LMO3: variants seen among roughly 807,000 people sequenced by gnomAD.
LMO3 encodes the protein LIM domain only 3.
LMO3 carries 2 observed loss-of-function variants against 15.8 expected under a neutral mutation model. That is an observed-to-expected ratio of 0.13 (90% confidence interval 0.05 to 0.40). The LOEUF (loss-of-function observed/expected upper bound fraction) is 0.40, where lower values mean the gene tolerates loss of function less well. LMO3 is among the 10% of genes least tolerant of loss of function. The pLI is 0.99. For synonymous variants in LMO3, 62 were observed against 63.8 expected (o/e 0.97, Z 0.13); for missense variants, 86 against 182.2 (o/e 0.47, Z 3.04).
Position 16,580,081 on chromosome 12 carries a change from A to G in LMO3, c.207-19543T>C, listed in dbSNP as rs141657425. The stretch of plus-strand genomic sequence containing the variant: ...GATATTATGTATTTCCTGATATTAT[A>G]CAATATGATATCATTTATCATGTAT... On this transcript the variant is annotated intron_variant, in intron 2 of 3. Transcript: ENST00000537304. Among the ~76,000 whole-genome samples, 748 of 152,334 alleles carry G rather than the reference A, an allele frequency of 4.9e-3. 4 individuals are homozygous for G. Among genetic ancestry groups the G allele is most frequent in the Middle Eastern group, 0.017 (5 of 294 alleles).
chr12:16,581,804 G>A (rs770711364), intron 2 of LMO3, among the ~76,000 whole-genome samples: 2 of 151,648 alleles, frequency 1.3e-5, no homozygotes, highest in African/African-American at 2.4e-5. Flanking sequence ...TTTAATAATT[G>A]TATTACTACT....
rs1224128106 is a variant in LMO3 at position 16,550,901 on chromosome 12, A to C, written c.*321T>G. 9.3e-6 allele frequency: 2 copies of C among 216,216 alleles called. No homozygotes were observed. The highest frequency in any genetic ancestry group is 4.5e-5 in the African/African-American group (2 of 44,186). The allele number at this position is 216,216 out of a possible 1,614,324, so 13.4% of individuals were successfully genotyped here. A position where few individuals can be genotyped will look rare whatever the true frequency, so the allele number is the denominator to read the frequency against. The stretch of plus-strand genomic sequence containing the variant: ...TGGTAACACAATAAAACTGTATTAC[A>C]TTTGTGCTTCAAATATTACAATACA... On this transcript the variant is annotated 3_prime_UTR_variant, in exon 4 of 4. Coordinates refer to ENST00000537304, the MANE Select transcript of LMO3 (RefSeq NM_018640.5).
intron 2 of LMO3, among the ~76,000 whole-genome samples, chr12:16,569,514 G>A (rs887667675): frequency 2.0e-5 from 3 of 152,074 alleles, no homozygotes; most frequent in African/African-American, 7.2e-5. Flanking sequence ...AAAGCCTTAC[G>A]AGCAGGTGTT....
chr12:16,609,086 A>T (rs1425400181), upstream of LMO3: 2 of 152,182 alleles, frequency 1.3e-5, no homozygotes, highest in Non-Finnish European at 2.9e-5. Flanking sequence ...CATATGAATT[A>T]TTCACAGAAA....
chr12:16,564,567 A>T (rs937825254), intron 2 of LMO3, among the ~76,000 whole-genome samples: 1 of 152,186 alleles, frequency 6.6e-6, no homozygotes, highest in Non-Finnish European at 1.5e-5. Flanking sequence ...AGTGTCTTTT[A>T]TTTCACAGCA....
In LMO3 at chr12:16,586,779, C is replaced by T. The variant is rs1265180489; in HGVS notation, c.206+13876G>A. ...CTCCTGTGGCTCAGATTATTTATTG[C>T]ATTACTTTTGTAACCTTTCTCCCAA... On this transcript the variant is annotated intron_variant, in intron 2 of 3. Coordinates refer to ENST00000537304, the MANE Select transcript of LMO3 (RefSeq NM_018640.5). This position sits in a 1 kb window ranked among gnomAD's most constrained non-coding sequence, Gnocchi z 4.3. Among the ~76,000 whole-genome samples the T allele has an allele frequency of 6.6e-6, 1 of 152,172 alleles. No individual in the cohort carries two copies. Among genetic ancestry groups the T allele is most frequent in the African/African-American group, 2.4e-5 (1 of 41,452 alleles).
At position 16,560,903 on chromosome 12, in the gene LMO3, T is replaced by C. The variant is rs1469938541; in HGVS notation, c.207-365A>G. The C allele has an allele frequency of 2.1e-5, 4 of 189,734 alleles. No individual in the cohort carries two copies. Among genetic ancestry groups the C allele is most frequent in the Non-Finnish European group, 3.4e-5 (3 of 88,980 alleles). 11.8% of individuals were successfully genotyped at this position (189,734 alleles called of 1,614,324 possible). A position where few individuals can be genotyped will look rare whatever the true frequency, so the allele number is the denominator to read the frequency against. On this transcript the variant is annotated intron_variant, in intron 2 of 3. Transcript: ENST00000537304. The surrounding 1 kb of genome is among the most constrained non-coding windows in gnomAD (Gnocchi z 5.0). ...TGCTCTTAATGTTATATATTAAACA[T>C]TTTAGTTGGGAAAGGAACCAACTAA... is the stretch of plus-strand genomic sequence containing the variant.
intron 2 of LMO3, among the ~76,000 whole-genome samples, chr12:16,566,012 ATATATAT>A (rs1942590463): frequency 2.5e-5 from 2 of 78,520 alleles, no homozygotes; most frequent in Non-Finnish European, 5.3e-5. Context: ...ATATATATAT[ATATATAT>A]ATATATATAT....
At position 16,560,371 on chromosome 12, in the gene LMO3, G is replaced by A. The variant is rs201376237; in HGVS notation, c.332+42C>T. 3,226 of 1,591,566 alleles carry A rather than the reference G, an allele frequency of 2.0e-3. 5 individuals are homozygous for A. Among genetic ancestry groups the A allele is most frequent in the Non-Finnish European group, 2.5e-3 (2,978 of 1,169,604 alleles). ...CTATTAAATAAATAGCCAGCACAGA[G>A]AGGTTAACCATTTCTTAGAGACCAA... is the stretch of plus-strand genomic sequence containing the variant. On this transcript the variant is annotated intron_variant, in intron 3 of 3. Transcript: ENST00000537304. This position sits in a 1 kb window ranked among gnomAD's most constrained non-coding sequence, Gnocchi z 5.0.
chr12:16,551,611 C>A (rs1465002311), intron 3 of LMO3, among the ~76,000 whole-genome samples: 1 of 147,862 alleles, frequency 6.8e-6, no homozygotes. Flanking sequence ...TTTTTTAAAC[C>A]ACACTGGAAA....
intron 2 of LMO3, chr12:16,573,460 C>T (rs1189961401): frequency 6.6e-6 from 1 of 152,056 alleles, no homozygotes. Flanking sequence ...CTTGTGTGTC[C>T]ACATGTATAA....
intron 2 of LMO3, among the ~76,000 whole-genome samples, chr12:16,594,856 C>T (rs533771710): frequency 6.6e-6 from 1 of 151,578 alleles, no homozygotes; most frequent in South Asian, 2.1e-4. Flanking sequence ...TCAAAACACA[C>T]CATTAAAATT....
At position 16,550,341 on chromosome 12, in the gene LMO3, TA is replaced by T. The variant is rs1410767792; in HGVS notation, c.*880del. ...TCTCATAATTGTGGTAACAGATTTT[TA>T]AAGTAACCCTTTGGAAAAAATTTTA... On this transcript the variant is annotated 3_prime_UTR_variant, in exon 4 of 4. Transcript: ENST00000537304. 6.6e-6 allele frequency: 1 copy of T among 152,456 alleles called. No individual in the cohort carries two copies. Among genetic ancestry groups the T allele is most frequent in the Non-Finnish European group, 1.5e-5 (1 of 67,904 alleles). 9.4% of individuals were successfully genotyped at this position (152,456 alleles called of 1,614,324 possible). A position where few individuals can be genotyped will look rare whatever the true frequency, so the allele number is the denominator to read the frequency against.
In LMO3 at chr12:16,600,504, C is replaced by A. The variant is rs552882288; in HGVS notation, c.206+151G>T. 76 of 641,008 alleles carry A rather than the reference C, an allele frequency of 1.2e-4. No homozygotes were observed. The African/African-American group carries it at 1.4e-3, about 11-fold the overall frequency. 39.7% of individuals were successfully genotyped at this position (641,008 alleles called of 1,614,324 possible). ...TCCTTAAGCATTAATTTGAGTAACA[C>A]ACACAGGGCAACGCTTTGAAGGCTG... On this transcript the variant is annotated intron_variant, in intron 2 of 3. Transcript: ENST00000537304.
At chr12:16,558,798 T>C (rs1942286089) in intron 3 of LMO3, among the ~76,000 whole-genome samples, 1 of 152,162 alleles carries the variant, frequency 6.6e-6, no homozygotes, top group African/African-American at 2.4e-5. Context: ...GGAATATTAT[T>C]TGGTAAATTA....
At chr12:16,556,358 G>A (rs773515372) in intron 3 of LMO3, among the ~76,000 whole-genome samples, 3 of 152,198 alleles carry the variant, frequency 2.0e-5, no homozygotes, top group South Asian at 2.1e-4. Context: ...GAAACTAGCC[G>A]AATTTTAATG....
chr12:16,572,339 C>CTTTTT (rs59773866), intron 2 of LMO3, among the ~76,000 whole-genome samples: 71 of 89,528 alleles, frequency 7.9e-4, no homozygotes, highest in South Asian at 1.3e-3. Context: ...GGTCCAAACT[C>CTTTTT]TTTTTTTTTT....
chr12:16,588,932 C>T (rs147548208), intron 2 of LMO3, among the ~76,000 whole-genome samples: 1,953 of 152,120 alleles, frequency 0.013, 23 homozygotes, highest in Admixed American at 0.02. Context: ...CAATGTGTAC[C>T]GCTCTTTCCC....
At chr12:16,557,822 T>C (rs887503012) in intron 3 of LMO3, among the ~76,000 whole-genome samples, 5 of 152,054 alleles carry the variant, frequency 3.3e-5, no homozygotes, top group Non-Finnish European at 7.4e-5. Flanking sequence ...AGTAACATAC[T>C]CAAGATCACA....
Sources: gnomAD v4.1 joint callset for allele counts (sites outside exome capture counted in the v4.1 genomes callset) on GRCh38, gnomAD v4.1.1 for gene constraint, Gnocchi (gnomAD v3.1) non-coding constraint, MANE v1.5 for transcripts, NCBI Gene and HGNC (gene_info 2026-07-23, HGNC 2026-07-21) for gene names.